C1GALT1: variants seen among roughly 807,000 people sequenced by gnomAD.
The protein encoded by C1GALT1 is core 1 synthase, glycoprotein-N-acetylgalactosamine 3-beta-galactosyltransferase 1, also known as glycoprotein-N-acetylgalactosamine 3-beta-galactosyltransferase 1.
A neutral mutation model predicts 31.0 loss-of-function variants in C1GALT1; 11 were observed. The ratio of observed to expected loss-of-function variants is 0.36; its 90% confidence interval spans 0.22 to 0.59. The LOEUF is 0.59. C1GALT1 is among the 20% of genes least tolerant of loss of function. The pLI is 0.79. For missense variants in C1GALT1, 424 were observed against 425.2 expected, an observed-to-expected ratio of 1.00 and a Z score of 0.03; for synonymous variants, 175 against 143.6, an observed-to-expected ratio of 1.22 and a Z score of -1.56.
intron 2 of C1GALT1, among the ~76,000 whole-genome samples, chr7:7,160,188 C>T (rs757354955): frequency 2.0e-5 from 3 of 152,124 alleles, no homozygotes; most frequent in Admixed American, 6.6e-5. Context: ...CCAATAGCCT[C>T]ATGGAACTAG....
chr7:7,233,696 G>A (rs1205358448), intron 1 of C1GALT1, among the ~76,000 whole-genome samples: 3 of 152,156 alleles, frequency 2.0e-5, no homozygotes, highest in Non-Finnish European at 4.4e-5. Context: ...AATGGGCATG[G>A]GTGTGTTCAA....
intron 1 of C1GALT1, among the ~76,000 whole-genome samples, chr7:7,224,328 ATGAATTGGGAAGTGT>A (rs1782653917): frequency 6.6e-6 from 1 of 151,852 alleles, no homozygotes; most frequent in Admixed American, 6.6e-5. Context: ...ACTTGATAAA[ATGAATTGGGAAGTGT>A]TCTCTCCTAC....
In C1GALT1 at chr7:7,198,643, G is replaced by A. The variant is rs910775785; in HGVS notation, c.-18+15823G>A. On this transcript the variant is annotated intron_variant, in intron 1 of 3. Transcript: ENST00000436587. ...CCTCTTTGTACCTCTGGTAGAATTC[G>A]GCTGTGAATCCATCTGGTCCTGGAC... Among the ~76,000 whole-genome samples the A allele has an allele frequency of 1.4e-4, 21 of 152,196 alleles. No homozygotes were observed. The South Asian group carries it at 1.5e-3, about 11-fold the overall frequency.
At position 7,190,159 on chromosome 7, in the gene C1GALT1, GTTA is replaced by G. The variant is rs1288121043; in HGVS notation, c.-18+7344_-18+7346del. ...CAGCATTTCTAAAGAAGGAACCAGG[GTTA>G]TTATAGGATTTTGGAGAATGGTGGA... is the stretch of plus-strand genomic sequence containing the variant. On this transcript the variant is annotated intron_variant, in intron 1 of 3. Coordinates refer to ENST00000436587, the MANE Select transcript of C1GALT1 (RefSeq NM_020156.5). 4.6e-5 allele frequency among the ~76,000 whole-genome samples: 7 copies of G among 152,272 alleles called. No homozygotes were observed. The East Asian group carries it at 1.4e-3, about 29-fold the overall frequency.
intron 1 of C1GALT1, among the ~76,000 whole-genome samples, chr7:7,218,452 G>A (rs548263651): frequency 1.4e-4 from 22 of 152,162 alleles, no homozygotes; most frequent in African/African-American, 3.9e-4. Context: ...TTGGCCCAAC[G>A]AAAAATGAAC....
chr7:7,187,442 T>G (rs1479684122), intron 1 of C1GALT1, among the ~76,000 whole-genome samples: 2 of 151,424 alleles, frequency 1.3e-5, no homozygotes, highest in Non-Finnish European at 2.9e-5. Context: ...GTATTTTTAG[T>G]AGAGACAGGG....
chr7:7,220,896 A>G (rs184421239), intron 1 of C1GALT1, among the ~76,000 whole-genome samples: 114 of 152,334 alleles, frequency 7.5e-4, no homozygotes, highest in African/African-American at 2.6e-3. Context: ...TCAGAATTTC[A>G]AAGGATTTTC....
chr7:7,214,865 A>G (rs1782161439), intron 1 of C1GALT1, among the ~76,000 whole-genome samples: 1 of 152,220 alleles, frequency 6.6e-6, no homozygotes, highest in South Asian at 2.1e-4. Flanking sequence ...GAAGCTAGCT[A>G]CAAGACTAGA....
upstream of C1GALT1, among the ~76,000 whole-genome samples, chr7:7,181,605 ATT>A (rs556412790): frequency 1.3e-3 from 205 of 152,322 alleles, no homozygotes; most frequent in Non-Finnish European, 2.5e-3. Flanking sequence ...AATGTATATT[ATT>A]ATTTGTCTCA....
chr7:7,199,555 T>A (rs903743097), intron 1 of C1GALT1, among the ~76,000 whole-genome samples: 6 of 152,188 alleles, frequency 3.9e-5, no homozygotes, highest in Admixed American at 3.9e-4. Flanking sequence ...CTATTAGGTC[T>A]GCTTGGTGCA....
chr7:7,232,493 TTTTG>T (rs1374532660), intron 1 of C1GALT1, among the ~76,000 whole-genome samples: 53 of 118,846 alleles, frequency 4.5e-4, no homozygotes, highest in Admixed American at 7.8e-4. Flanking sequence ...GGTTTTTTTT[TTTTG>T]TTTTTTTTTT....
In C1GALT1 at chr7:7,197,523, G is replaced by A. The variant is rs546062232; in HGVS notation, c.-18+14703G>A. The stretch of plus-strand genomic sequence containing the variant: ...TGGCTTAGGATTGTCTTGGCAATGC[G>A]GGCTCTTTTTTGGTTCCATATGAAC... On this transcript the variant is annotated intron_variant, in intron 1 of 3. Coordinates refer to ENST00000436587, the MANE Select transcript of C1GALT1 (RefSeq NM_020156.5). Among the ~76,000 whole-genome samples the A allele has an allele frequency of 1.1e-4, 16 of 152,138 alleles. No individual in the cohort carries two copies. In the East Asian group the frequency reaches 2.1e-3, roughly 20 times the overall value.
intron 1 of C1GALT1, among the ~76,000 whole-genome samples, chr7:7,211,424 A>T (rs1335538759): frequency 2.6e-5 from 4 of 152,210 alleles, no homozygotes; most frequent in African/African-American, 9.6e-5. Flanking sequence ...AAAAAGTCCT[A>T]GCAGACTCAG....
At chr7:7,229,901 C>A (rs1448328927) in intron 1 of C1GALT1, among the ~76,000 whole-genome samples, 1 of 152,094 alleles carries the variant, frequency 6.6e-6, no homozygotes, top group East Asian at 1.9e-4. Flanking sequence ...TACTCATCAT[C>A]CATGAAGGCC....
At chr7:7,194,016 A>C (rs1244988746) in intron 1 of C1GALT1, among the ~76,000 whole-genome samples, 1 of 151,964 alleles carries the variant, frequency 6.6e-6, no homozygotes, top group Non-Finnish European at 1.5e-5. Flanking sequence ...ATTTGTGTAC[A>C]TTAATTTTGT....
chr7:7,223,840 T>C (rs1371300386), intron 1 of C1GALT1, among the ~76,000 whole-genome samples: 1 of 152,192 alleles, frequency 6.6e-6, no homozygotes, highest in Admixed American at 6.5e-5. Flanking sequence ...CCTTTCCTTG[T>C]TCATGATCTT....
At chr7:7,177,453 T>C (rs1372082447) in intron 2 of C1GALT1, among the ~76,000 whole-genome samples, 2 of 152,190 alleles carry the variant, frequency 1.3e-5, no homozygotes, top group African/African-American at 4.8e-5. Flanking sequence ...TATATATATG[T>C]TTGTTATTAA....
intron 3 of C1GALT1, among the ~76,000 whole-genome samples, chr7:7,243,143 C>A (rs1458734092): frequency 6.6e-6 from 1 of 152,136 alleles, no homozygotes; most frequent in Admixed American, 6.5e-5. Flanking sequence ...GTATGAGCCA[C>A]ACAAAAAATT....
chr7:7,231,319 C>A (rs1410182308), intron 1 of C1GALT1, among the ~76,000 whole-genome samples: 1 of 151,894 alleles, frequency 6.6e-6, no homozygotes, highest in Non-Finnish European at 1.5e-5. Context: ...TTGTAATCTT[C>A]ATTGGGTTTT....
Sources: allele counts gnomAD v4.1 joint callset (sites outside exome capture counted in the v4.1 genomes callset), GRCh38; gene constraint gnomAD v4.1.1; transcripts MANE v1.5; gene names NCBI Gene and HGNC (gene_info 2026-07-23, HGNC 2026-07-21).